Variants in NCOA7 observed in about 807,000 individuals in gnomAD.
The protein encoded by NCOA7 is nuclear receptor coactivator 7.
NCOA7 carries 45 observed loss-of-function variants against 104.3 expected under a neutral mutation model. That is an observed-to-expected ratio of 0.43 (90% confidence interval 0.34 to 0.55). NCOA7 has a LOEUF of 0.55. NCOA7 is among the 20% of genes least tolerant of loss of function. The probability of loss-of-function intolerance (pLI) is 0.02; values close to 1 mark genes in which losing one functional copy is unlikely to be tolerated. For missense variants in NCOA7, 1,041 were observed against 1,119.7 expected, an observed-to-expected ratio of 0.93 and a Z score of 1.00; for synonymous variants, 398 against 402.3, an observed-to-expected ratio of 0.99 and a Z score of 0.13.
intron 10 of NCOA7, among the ~76,000 whole-genome samples, chr6:125,911,744 G>C (rs1330047307): frequency 6.6e-6 from 1 of 152,156 alleles, no homozygotes; most frequent in African/African-American, 2.4e-5. Flanking sequence ...GACTCTGGTC[G>C]GTCTTCGTTC....
At chr6:125,808,961 G>A (rs1423704256) in intron 1 of NCOA7, among the ~76,000 whole-genome samples, 1 of 152,152 alleles carries the variant, frequency 6.6e-6, no homozygotes, top group Non-Finnish European at 1.5e-5. Context: ...AGAGAATAAT[G>A]GAATAGGAGT....
Position 125,885,343 on chromosome 6 carries a change from C to T in NCOA7, c.884C>T (p.Ser295Phe), listed in dbSNP as rs1562979626. The T allele has an allele frequency of 8.7e-6, 14 of 1,612,156 alleles. No individual in the cohort carries two copies. Among genetic ancestry groups the T allele is most frequent in the Non-Finnish European group, 1.1e-5 (13 of 1,178,564 alleles). Residue 295 changes from serine to phenylalanine, a missense_variant and splice_region_variant, in exon 8 of 16, where the codon TCT (serine) becomes TTT (phenylalanine). This residue lies in a region of NCOA7 where 914 missense variants were observed against 942.7 expected (regional missense o/e 0.97). Transcript: ENST00000392477. The stretch of plus-strand genomic sequence containing the variant: ...ATGAAGATCAAAGATGCCTTGCCAT[C>T]GTAAGACATTTATTTGTTTACCAGG... Reference protein sequence around the residue: ...SHMKIKDALPSDLPQDLCPLY... With the variant: ...SHMKIKDALPFDLPQDLCPLY...
intron 3 of NCOA7, among the ~76,000 whole-genome samples, chr6:125,861,240 C>T (rs1421689462): frequency 6.6e-6 from 1 of 152,204 alleles, no homozygotes. Context: ...AGTTATTTCT[C>T]ACAAAGGCAG....
intron 4 of NCOA7, 44 bp from the exon 5 acceptor site, chr6:125,878,219 T>G (rs1456737756): frequency 7.3e-7 from 1 of 1,367,014 alleles, no homozygotes; most frequent in Non-Finnish European, 1.0e-6. Context: ...AAAAGTAATT[T>G]TTTTTGCTTT....
At chr6:125,853,498 A>G (rs1417627829) in intron 2 of NCOA7, among the ~76,000 whole-genome samples, 2 of 152,182 alleles carry the variant, frequency 1.3e-5, no homozygotes, top group African/African-American at 4.8e-5. Flanking sequence ...ATATTCATCT[A>G]TGACTTTTCC....
At position 125,921,051 on chromosome 6, in the gene NCOA7, A is replaced by AAT. The variant is rs754085206; in HGVS notation, c.2356_2357dup (p.Met786IlefsTer27). ...ACGGCCCCACAGCGCGCTCCTGGAGAATATGCACATCGAGCAGGTGGGCTC... is the reference window on the plus strand; with the variant it reads ...ACGGCCCCACAGCGCGCTCCTGGAGAATATATGCACATCGAGCAGGTGGGCTC... On this transcript the variant is annotated frameshift_variant, in exon 12 of 16. Coordinates refer to ENST00000392477, the MANE Select transcript of NCOA7 (RefSeq NM_181782.5). LOFTEE classifies it high-confidence loss of function. The AAT allele has an allele frequency of 6.2e-7, 1 of 1,613,336 alleles. No individual in the cohort carries two copies. Among genetic ancestry groups the AAT allele is most frequent in the Admixed American group, 1.7e-5 (1 of 60,004 alleles).
At chr6:125,886,417 C>T (rs1784268603) in intron 8 of NCOA7, among the ~76,000 whole-genome samples, 1 of 152,186 alleles carries the variant, frequency 6.6e-6, no homozygotes, top group Non-Finnish European at 1.5e-5. Context: ...AATACCATTG[C>T]ACATCTTCAG....
chr6:125,794,736 C>CT lies in NCOA7; in HGVS notation c.-65+3677dup, dbSNP rs534146558. Among the ~76,000 whole-genome samples, 899 of 152,120 alleles carry CT rather than the reference C, an allele frequency of 5.9e-3. 7 individuals carry two copies. Among genetic ancestry groups the CT allele is most frequent in the African/African-American group, 0.021 (858 of 41,520 alleles). On this transcript the variant is annotated intron_variant, in intron 1 of 15. Transcript: ENST00000392477. ...AACAATGTTACATAGTTTTACAAAA[C>CT]TTTTTTTTAAACTCTTACATTTATA...
intron 10 of NCOA7, among the ~76,000 whole-genome samples, chr6:125,903,928 G>A (rs1017617370): frequency 2.1e-4 from 32 of 151,924 alleles, no homozygotes; most frequent in African/African-American, 7.0e-4. Context: ...GGCTGGTCTC[G>A]AACTCTTGAC....
At chr6:125,918,965 G>GA (rs1028853000) in intron 11 of NCOA7, among the ~76,000 whole-genome samples, 4 of 149,986 alleles carry the variant, frequency 2.7e-5, no homozygotes, top group African/African-American at 7.4e-5. Flanking sequence ...AAAAAAAAAA[G>GA]AAAAAAAACT....
At chr6:125,815,994 A>G (rs997889578) in intron 2 of NCOA7, among the ~76,000 whole-genome samples, 3 of 152,252 alleles carry the variant, frequency 2.0e-5, no homozygotes, top group African/African-American at 7.2e-5. Context: ...ACTAAACATA[A>G]TAAAATGAAT....
In NCOA7 at chr6:125,862,093, A is replaced by G. The variant is rs117190017; in HGVS notation, c.271+6853A>G. Among the ~76,000 whole-genome samples the G allele has an allele frequency of 1.4e-3, 188 of 131,706 alleles. 26 individuals are homozygous for G. In the East Asian group the frequency reaches 0.04, roughly 28 times the overall value. The allele number at this position is 131,706 out of a possible 152,430, so 86.4% of individuals were successfully genotyped here. ...AGTGATAAGATGACAGGTAGGGGAG[A>G]CGTGAATGAAGAGTCTGAGGATCAA... On this transcript the variant is annotated intron_variant, in intron 3 of 15. Coordinates refer to ENST00000392477, the MANE Select transcript of NCOA7 (RefSeq NM_181782.5).
chr6:125,839,210 C>T (rs554135951), intron 2 of NCOA7, among the ~76,000 whole-genome samples: 3 of 152,160 alleles, frequency 2.0e-5, no homozygotes, highest in East Asian at 1.9e-4. Context: ...CTCTGCCTCC[C>T]GGGTTCAAGC....
At chr6:125,909,213 C>T (rs1786298741) in intron 10 of NCOA7, among the ~76,000 whole-genome samples, 1 of 152,214 alleles carries the variant, frequency 6.6e-6, no homozygotes, top group Admixed American at 6.5e-5. Flanking sequence ...AGAAAGAACG[C>T]TGATTGCCAC....
At chr6:125,871,031 T>G (rs1388436084) in intron 3 of NCOA7, among the ~76,000 whole-genome samples, 3 of 152,208 alleles carry the variant, frequency 2.0e-5, no homozygotes, top group African/African-American at 7.2e-5. Context: ...CTGAAGACTT[T>G]ATTTCAGAGG....
At chr6:125,871,753 T>C (rs1782931844) in intron 3 of NCOA7, among the ~76,000 whole-genome samples, 2 of 152,142 alleles carry the variant, frequency 1.3e-5, no homozygotes, top group Non-Finnish European at 2.9e-5. Context: ...CCCACCACTT[T>C]GGGAGGCCAA....
chr6:125,794,619 A>G (rs1775132379), intron 1 of NCOA7, among the ~76,000 whole-genome samples: 1 of 152,248 alleles, frequency 6.6e-6, no homozygotes, highest in African/African-American at 2.4e-5. Flanking sequence ...CTCTGGACAC[A>G]GTATGTTTTT....
At chr6:125,860,490 G>C (rs1439231323) in intron 3 of NCOA7, among the ~76,000 whole-genome samples, 3 of 151,880 alleles carry the variant, frequency 2.0e-5, no homozygotes, top group Non-Finnish European at 4.4e-5. Flanking sequence ...TGAGATTACA[G>C]GCACACGCCA....
At chr6:125,840,642 G>C (rs551556685) in intron 2 of NCOA7, among the ~76,000 whole-genome samples, 2 of 151,116 alleles carry the variant, frequency 1.3e-5, no homozygotes, top group Non-Finnish European at 1.5e-5. Context: ...AGCCTTCTGA[G>C]TAGCTGGAAC....
Sources: gnomAD v4.1 joint callset for allele counts (sites outside exome capture counted in the v4.1 genomes callset) on GRCh38, gnomAD v4.1.1 for gene constraint, gnomAD v4.1.1 regional missense constraint, MANE v1.5 for transcripts, NCBI Gene and HGNC (gene_info 2026-07-23, HGNC 2026-07-21) for gene names.